Variants in RIC8B observed in about 807,000 individuals in gnomAD.
RIC8B encodes the protein chaperone Ric-8B.
RIC8B carries 16 observed loss-of-function variants against 57.5 expected under a neutral mutation model. The observed-to-expected ratio is 0.28, with a 90% CI of 0.19 to 0.42. The LOEUF is 0.42. Among genes scored for constraint, RIC8B ranks in the 10% least tolerant of loss-of-function variants. The pLI is 1.00. For synonymous variants in RIC8B, 216 were observed against 250.8 expected (o/e 0.86, Z 1.31); for missense variants, 481 against 677.0 (o/e 0.71, Z 3.21).
intron 4 of RIC8B, among the ~76,000 whole-genome samples, chr12:106,831,221 AG>A (rs143416064): frequency 6.6e-6 from 1 of 152,332 alleles, no homozygotes; most frequent in Non-Finnish European, 1.5e-5. Flanking sequence ...CCTAAGGGAA[AG>A]TTTTACCTAA....
intron 9 of RIC8B, chr12:106,880,077 T>A: frequency 2.4e-6 from 1 of 421,980 alleles, no homozygotes; most frequent in South Asian, 1.0e-4. Context: ...AGGACCTTCA[T>A]AATTTAGGAT....
intron 2 of RIC8B, among the ~76,000 whole-genome samples, chr12:106,813,764 G>A (rs2045447049): frequency 6.6e-6 from 1 of 152,108 alleles, no homozygotes; most frequent in South Asian, 2.1e-4. Flanking sequence ...GTTTTTATAA[G>A]ATGTAAGGGA....
intron 4 of RIC8B, among the ~76,000 whole-genome samples, chr12:106,835,175 A>G (rs924167123): frequency 1.4e-4 from 22 of 151,954 alleles, no homozygotes; most frequent in African/African-American, 5.3e-4. Context: ...TTCCTCTGCC[A>G]GCACAACTCT....
intron 2 of RIC8B, among the ~76,000 whole-genome samples, chr12:106,796,875 A>T (rs1195497162): frequency 6.6e-6 from 1 of 152,246 alleles, no homozygotes; most frequent in Non-Finnish European, 1.5e-5. Context: ...AAATGATCTG[A>T]CTAGACACTT....
rs577940603 is a variant in RIC8B, at chr12:106,776,894, A to G, written c.84+2065A>G. On this transcript the variant is annotated intron_variant, in intron 1 of 9. Coordinates refer to ENST00000392837, the MANE Select transcript of RIC8B (RefSeq NM_001330145.2). ...AAGCGCTCCCTTCTTTTTTGGAGAC[A>G]GGGTCTGTATCTGTCACCCAGGCTG... Among the ~76,000 whole-genome samples, 15 of 152,276 alleles carry G rather than the reference A, an allele frequency of 9.9e-5. No individual in the cohort carries two copies. In the East Asian group the frequency reaches 1.5e-3, roughly 16 times the overall value.
At chr12:106,876,592 GT>G (rs751888858) in intron 9 of RIC8B, among the ~76,000 whole-genome samples, 4 of 152,086 alleles carry the variant, frequency 2.6e-5, no homozygotes, top group Non-Finnish European at 4.4e-5. Flanking sequence ...CTATCCTTAG[GT>G]TATATAGGAC....
intron 2 of RIC8B, chr12:106,797,930 C>A: frequency 1.6e-6 from 1 of 633,532 alleles, no homozygotes; most frequent in East Asian, 2.9e-5. Flanking sequence ...ATTGGATTGA[C>A]CTGTTGTGTA....
intron 4 of RIC8B, among the ~76,000 whole-genome samples, chr12:106,839,201 A>AAAG (rs2046758269): frequency 6.6e-6 from 1 of 152,236 alleles, no homozygotes; most frequent in Admixed American, 6.5e-5. Context: ...ACTGTTTCAC[A>AAAG]GAGATATCTG....
intron 8 of RIC8B, among the ~76,000 whole-genome samples, chr12:106,863,615 C>T (rs760799094): frequency 3.3e-5 from 5 of 151,980 alleles, no homozygotes; most frequent in Non-Finnish European, 5.9e-5. Context: ...AGATTTTTCT[C>T]TTTGCCCAAT....
intron 3 of RIC8B, among the ~76,000 whole-genome samples, chr12:106,821,332 GTT>G (rs2045832788): frequency 6.6e-6 from 1 of 152,214 alleles, no homozygotes; most frequent in African/African-American, 2.4e-5. Context: ...AATAAATAGA[GTT>G]GATACAGTCA....
intron 2 of RIC8B, among the ~76,000 whole-genome samples, chr12:106,792,634 A>T (rs2044306629): frequency 6.6e-6 from 1 of 152,210 alleles, no homozygotes; most frequent in South Asian, 2.1e-4. Context: ...CTATTCAAAA[A>T]AATCTAAAAG....
At chr12:106,828,554 G>A (rs924210217) in intron 4 of RIC8B, among the ~76,000 whole-genome samples, 2 of 152,034 alleles carry the variant, frequency 1.3e-5, no homozygotes, top group African/African-American at 4.8e-5. Flanking sequence ...AATGAAATAG[G>A]TAACCCTGGG....
At chr12:106,775,247 T>G in intron 1 of RIC8B, 1 of 432,804 alleles carries the variant, frequency 2.3e-6, no homozygotes, top group Non-Finnish European at 4.6e-6. Context: ...TCAGCAACGA[T>G]GGCAGTTTCT....
rs1346814683 is a variant in RIC8B at position 106,886,208 on chromosome 12, C to T, written c.*193C>T. Reference sequence around the variant, plus strand: ...GTGATATTGAGGCATTCATACAGAGCTGCAGTTAGACGGGGTTACGGGGGC... The same window carrying T: ...GTGATATTGAGGCATTCATACAGAGTTGCAGTTAGACGGGGTTACGGGGGC... On this transcript the variant is annotated 3_prime_UTR_variant, in exon 10 of 10. Transcript: ENST00000392837. 1 of 522,094 alleles carries T rather than the reference C, an allele frequency of 1.9e-6. No individual in the cohort carries two copies. Among genetic ancestry groups the T allele is most frequent in the Non-Finnish European group, 3.4e-6 (1 of 296,274 alleles). The allele number at this position is 522,094 out of a possible 1,614,324, so 32.3% of individuals were successfully genotyped here.
At chr12:106,798,643 A>G (rs1328011781) in intron 2 of RIC8B, among the ~76,000 whole-genome samples, 1 of 152,002 alleles carries the variant, frequency 6.6e-6, no homozygotes, top group Non-Finnish European at 1.5e-5. Context: ...TGTAATTGTT[A>G]GAAGGCTGTT....
At chr12:106,793,641 A>G (rs118045885) in intron 2 of RIC8B, among the ~76,000 whole-genome samples, 3 of 152,308 alleles carry the variant, frequency 2.0e-5, no homozygotes, top group Non-Finnish European at 4.4e-5. Flanking sequence ...TCAACCAGCA[A>G]TTAGTGTCAC....
intron 2 of RIC8B, among the ~76,000 whole-genome samples, chr12:106,793,128 C>T (rs2044329712): frequency 6.6e-6 from 1 of 152,190 alleles, no homozygotes; most frequent in African/African-American, 2.4e-5. Context: ...GCTGAGAATA[C>T]CGGGGCCACA....
chr12:106,839,194 GTTT>G (rs2046757619), intron 4 of RIC8B, among the ~76,000 whole-genome samples: 1 of 152,168 alleles, frequency 6.6e-6, no homozygotes, highest in Admixed American at 6.5e-5. Flanking sequence ...TAAAATCACT[GTTT>G]CACAGAGATA....
chr12:106,831,611 T>C (rs1410672790), intron 4 of RIC8B, among the ~76,000 whole-genome samples: 1 of 152,232 alleles, frequency 6.6e-6, no homozygotes, highest in East Asian at 1.9e-4. Flanking sequence ...CATCTTAGCA[T>C]GGCCATTGAA....
Sources: gnomAD v4.1 joint callset for allele counts (sites outside exome capture counted in the v4.1 genomes callset) on GRCh38, gnomAD v4.1.1 for gene constraint, MANE v1.5 for transcripts, NCBI Gene and HGNC (gene_info 2026-07-23, HGNC 2026-07-21) for gene names.